Variants in ITSN2 observed in about 807,000 individuals in gnomAD.
ITSN2 encodes intersectin-2.
ITSN2 carries 156 observed loss-of-function variants against 243.7 expected under a neutral mutation model. The observed-to-expected ratio is 0.64, with a 90% CI of 0.56 to 0.73. The LOEUF is 0.73. Among genes scored for constraint, ITSN2 ranks in the 30% least tolerant of loss-of-function variants. The pLI is 0.00. For synonymous variants in ITSN2, 703 were observed against 699.9 expected (o/e 1.00, Z -0.07); for missense variants, 1,801 against 1,996.1 (o/e 0.90, Z 1.86).
At chr2:24,261,770 G>A (rs373991987) in intron 20 of ITSN2, 28 bp from the exon 21 acceptor site, 25 of 1,536,668 alleles carry the variant, frequency 1.6e-5, no homozygotes, top group Non-Finnish European at 2.2e-5. Context: ...AGGATTAACA[G>A]TGCTTAGAAA....
chr2:24,235,707 GAATAGACATATCTCCAAAGGA>G (rs1429458241), intron 29 of ITSN2, among the ~76,000 whole-genome samples: 1 of 152,202 alleles, frequency 6.6e-6, no homozygotes, highest in East Asian at 1.9e-4. Context: ...CAAAGGATCT[GAATAGACATATCTCCAAAGGA>G]GGTATACAAA....
chr2:24,245,549 G>A (rs1232147010), intron 29 of ITSN2, among the ~76,000 whole-genome samples: 6 of 151,248 alleles, frequency 4.0e-5, no homozygotes, highest in Non-Finnish European at 7.4e-5. Context: ...GTGTGATCAT[G>A]ACTTACTGCA....
chr2:24,360,217 G>A (rs1439212676), intron 1 of ITSN2, 87 bp downstream of exon 1: 1 of 152,500 alleles, frequency 6.6e-6, no homozygotes, highest in East Asian at 1.9e-4. Flanking sequence ...AGCCGCCTCA[G>A]CCCGACCCGC....
intron 17 of ITSN2, among the ~76,000 whole-genome samples, chr2:24,276,108 C>T (rs769682233): frequency 6.6e-6 from 1 of 151,868 alleles, no homozygotes; most frequent in Non-Finnish European, 1.5e-5. Flanking sequence ...TTTAACAAGC[C>T]GATGCTTTGA....
chr2:24,318,647 G>A (rs114693331), intron 2 of ITSN2, among the ~76,000 whole-genome samples: 172 of 152,248 alleles, frequency 1.1e-3, no homozygotes, highest in African/African-American at 4.0e-3. Context: ...GGTATCACAG[G>A]AGATATACAG....
rs533031928 is a variant in ITSN2, at chr2:24,345,685, G to C, written c.-34+14619C>G. Among the ~76,000 whole-genome samples the C allele has an allele frequency of 3.3e-5, 5 of 151,906 alleles. No homozygotes were observed. In the South Asian group the frequency reaches 8.3e-4, roughly 25 times the overall value. On this transcript the variant is annotated intron_variant, in intron 1 of 39. Coordinates refer to ENST00000355123, the MANE Select transcript of ITSN2 (RefSeq NM_006277.3). Reference sequence around the variant, plus strand: ...AAATACCCAGTGCTGTTAACAACATGACCTGTATCCACGGATCTTTTTCTA... The same window carrying C: ...AAATACCCAGTGCTGTTAACAACATCACCTGTATCCACGGATCTTTTTCTA...
At chr2:24,258,605 A>G (rs543636648) in intron 22 of ITSN2, among the ~76,000 whole-genome samples, 1 of 152,278 alleles carries the variant, frequency 6.6e-6, no homozygotes, top group South Asian at 2.1e-4. Flanking sequence ...TAATAAGGCT[A>G]AACTCTTCAC....
intron 2 of ITSN2, among the ~76,000 whole-genome samples, chr2:24,327,772 C>T (rs1258279994): frequency 6.6e-6 from 1 of 152,082 alleles, no homozygotes; most frequent in Non-Finnish European, 1.5e-5. Flanking sequence ...CCTTATAGCA[C>T]TCTGCTATTT....
intron 2 of ITSN2, among the ~76,000 whole-genome samples, chr2:24,327,090 ATAAAAT>A (rs1230134203): frequency 6.6e-6 from 1 of 152,000 alleles, no homozygotes; most frequent in Non-Finnish European, 1.5e-5. Flanking sequence ...ACAATTTAAC[ATAAAAT>A]TAAGAATTCA....
intron 5 of ITSN2, 140 bp downstream of exon 5, chr2:24,312,072 T>C (rs1475910624): frequency 5.9e-6 from 4 of 679,176 alleles, no homozygotes; most frequent in Non-Finnish European, 9.5e-6. Flanking sequence ...GAATTTAATA[T>C]TTATTATCTC....
chr2:24,353,969 C>T (rs1344784743), intron 1 of ITSN2, among the ~76,000 whole-genome samples: 1 of 152,166 alleles, frequency 6.6e-6, no homozygotes. Context: ...ATTTTGTGAT[C>T]AAGTTCAGTT....
At chr2:24,235,658 T>C (rs923142124) in intron 29 of ITSN2, among the ~76,000 whole-genome samples, 3 of 152,138 alleles carry the variant, frequency 2.0e-5, no homozygotes, top group African/African-American at 7.2e-5. Flanking sequence ...TGAAGTCTTT[T>C]AAAAAAGTGA....
chr2:24,275,878 C>G, intron 17 of ITSN2, 29 bp from the exon 18 acceptor site: 1 of 1,537,842 alleles, frequency 6.5e-7, no homozygotes, highest in African/African-American at 1.4e-5. Context: ...TAAGTCAATA[C>G]GTGAATGATT....
At chr2:24,330,566 G>GA (rs2151852838) in intron 1 of ITSN2, 2 of 838,528 alleles carry the variant, frequency 2.4e-6, no homozygotes, top group Admixed American at 1.7e-5. Flanking sequence ...TACCCAAAGG[G>GA]AAAAAGGGAA....
At chr2:24,259,393 C>A (rs1473823122) in intron 22 of ITSN2, among the ~76,000 whole-genome samples, 1 of 152,154 alleles carries the variant, frequency 6.6e-6, no homozygotes, top group Non-Finnish European at 1.5e-5. Flanking sequence ...ATTGTAATAT[C>A]CTTCCTTAAC....
At chr2:24,220,246 G>T in intron 30 of ITSN2, 1 of 835,560 alleles carries the variant, frequency 1.2e-6, no homozygotes, top group Non-Finnish European at 1.4e-6. Context: ...TTTTCAGGTG[G>T]TTTGTTAATG....
At position 24,275,933 on chromosome 2, in the gene ITSN2, G is replaced by T. The variant is rs1165647238; in HGVS notation, c.1945-84C>A. 5.0e-6 allele frequency: 5 copies of T among 994,652 alleles called. No homozygotes were observed. The African/African-American group carries it at 8.3e-5, about 17-fold the overall frequency. The allele number at this position is 994,652 out of a possible 1,614,324, so 61.6% of individuals were successfully genotyped here. A position where few individuals can be genotyped will look rare whatever the true frequency, so the allele number is the denominator to read the frequency against. The stretch of plus-strand genomic sequence containing the variant: ...TATTAATGTGGCATTTGCATTAAAA[G>T]ATAAAAATCCTATAGCAAGTTGAAC... On this transcript the variant is annotated intron_variant, in intron 17 of 39. Transcript: ENST00000355123.
At chr2:24,214,263 G>C (rs1159423119) in intron 32 of ITSN2, 1 of 152,134 alleles carries the variant, frequency 6.6e-6, no homozygotes, top group Non-Finnish European at 1.5e-5. Flanking sequence ...ACTTAAACAG[G>C]CCTTGGAATC....
intron 5 of ITSN2, 95 bp downstream of exon 5, chr2:24,312,117 C>G: frequency 1.0e-6 from 1 of 1,003,468 alleles, no homozygotes. Flanking sequence ...TGGGGACTGT[C>G]ATTTTGTGCT....
Sources: gnomAD v4.1 joint callset for allele counts (sites outside exome capture counted in the v4.1 genomes callset) on GRCh38, gnomAD v4.1.1 for gene constraint, MANE v1.5 for transcripts, NCBI Gene and HGNC (gene_info 2026-07-23, HGNC 2026-07-21) for gene names.